The following ATP8A2 variants were observed in gnomAD, a reference collection of about 807,000 sequenced individuals.
The protein encoded by ATP8A2 is phospholipid-transporting ATPase IB.
A neutral mutation model predicts 165.6 loss-of-function variants in ATP8A2; 100 were observed. That is an observed-to-expected ratio of 0.60 (90% CI 0.51 to 0.71). The LOEUF (loss-of-function observed/expected upper bound fraction) is 0.71. Ranked by LOEUF, ATP8A2 falls within the 30% of genes least tolerant of loss-of-function variation. The pLI, the probability that ATP8A2 is intolerant of heterozygous loss-of-function variation, is 0.00. For missense variants in ATP8A2, 1,227 were observed against 1,479.5 expected, an observed-to-expected ratio of 0.83 and a Z score of 2.80; for synonymous variants, 543 against 548.8, an observed-to-expected ratio of 0.99 and a Z score of 0.15.
At position 25,559,023 on chromosome 13, in the gene ATP8A2, G is replaced by T; in HGVS notation, c.1314G>T (p.Met438Ile). The change falls in exon 14 of 37, where the codon ATG (methionine) becomes ATT (isoleucine). Residue 438 changes from methionine (M) to isoleucine (I), a missense_variant. Physicochemically the swap from Met to Ile is conservative, Grantham distance 10. Transcript: ENST00000381655. ...CTGGAACGCTTACATGCAATATCAT[G>T]AACTTTAAGAAGTGCAGCATTGCCG... Reference protein sequence around the residue: ...DKTGTLTCNIMNFKKCSIAGV... With the variant: ...DKTGTLTCNIINFKKCSIAGV... The T allele has an allele frequency of 6.2e-7, 1 of 1,612,804 alleles. No individual in the cohort carries two copies. The highest frequency in any genetic ancestry group is 8.5e-7 in the Non-Finnish European group (1 of 1,179,372).
Position 25,706,813 on chromosome 13 carries a change from T to C in ATP8A2, c.2384+7468T>C, listed in dbSNP as rs1326677223. ...CTTGGGCTGTTTGATTGTGGCTTAGTATATATTTGCCCATTTGTTGATTGC... is the reference window on the plus strand; with the variant it reads ...CTTGGGCTGTTTGATTGTGGCTTAGCATATATTTGCCCATTTGTTGATTGC... On this transcript the variant is annotated intron_variant, in intron 25 of 36. Transcript: ENST00000381655. 2.6e-5 allele frequency among the ~76,000 whole-genome samples: 4 copies of C among 152,156 alleles called. No individual in the cohort carries two copies. The South Asian group carries it at 8.3e-4, about 32-fold the overall frequency.
At chr13:25,577,931 T>C (rs2039663626) in intron 20 of ATP8A2, among the ~76,000 whole-genome samples, 2 of 152,190 alleles carry the variant, frequency 1.3e-5, no homozygotes, top group South Asian at 4.1e-4. Flanking sequence ...AATGAAGGAA[T>C]GCATGGGAAT....
chr13:25,581,786 C>A, intron 22 of ATP8A2, 33 bp from the exon 23 acceptor site: 1 of 1,605,062 alleles, frequency 6.2e-7, no homozygotes, highest in Non-Finnish European at 8.5e-7. Context: ...AAGTATGTGC[C>A]AATCTTTAAC....
intron 35 of ATP8A2, among the ~76,000 whole-genome samples, chr13:25,989,461 G>C (rs1405128351): frequency 6.6e-6 from 1 of 152,112 alleles, no homozygotes; most frequent in African/African-American, 2.4e-5. Flanking sequence ...CAAATAATTA[G>C]TTGATTAAAA....
At chr13:25,972,220 A>C (rs931990249) in intron 35 of ATP8A2, among the ~76,000 whole-genome samples, 3 of 152,194 alleles carry the variant, frequency 2.0e-5, no homozygotes, top group Non-Finnish European at 2.9e-5. Flanking sequence ...ATTTTCATCC[A>C]ACATTTTATT....
At chr13:25,839,522 C>T (rs372038682) in intron 29 of ATP8A2, 24 bp from the exon 30 acceptor site, 9 of 1,596,628 alleles carry the variant, frequency 5.6e-6, no homozygotes, top group African/African-American at 2.7e-5. Flanking sequence ...CAGCTCCTGA[C>T]TCCCTTGGTT....
intron 25 of ATP8A2, among the ~76,000 whole-genome samples, chr13:25,719,721 T>A (rs1341241273): frequency 6.6e-6 from 1 of 152,212 alleles, no homozygotes; most frequent in African/African-American, 2.4e-5. Context: ...TGAAAATGAC[T>A]AGCCTGTCAG....
At chr13:25,435,971 GT>G (rs2034762249) in intron 1 of ATP8A2, among the ~76,000 whole-genome samples, 1 of 113,762 alleles carries the variant, frequency 8.8e-6, no homozygotes, top group African/African-American at 2.9e-5. Context: ...GTGTGTGTGT[GT>G]ATGTGTGTGT....
intron 25 of ATP8A2, among the ~76,000 whole-genome samples, chr13:25,744,333 G>A (rs919262652): frequency 2.0e-5 from 3 of 148,158 alleles, no homozygotes; most frequent in African/African-American, 2.7e-5. Context: ...CCACCCCCCC[G>A]TGTGTATGTG....
At chr13:25,653,876 A>G (rs971906477) in intron 24 of ATP8A2, among the ~76,000 whole-genome samples, 1 of 152,146 alleles carries the variant, frequency 6.6e-6, no homozygotes. Flanking sequence ...GGTAAGGGTT[A>G]GCTTTCAGAG....
At chr13:26,014,431 G>A (rs1485124854) in intron 36 of ATP8A2, among the ~76,000 whole-genome samples, 1 of 152,158 alleles carries the variant, frequency 6.6e-6, no homozygotes, top group East Asian at 1.9e-4. Context: ...TTAACAATGT[G>A]TAAGAAAACA....
intron 33 of ATP8A2, among the ~76,000 whole-genome samples, chr13:25,883,152 A>T (rs1481240106): frequency 6.6e-6 from 1 of 152,298 alleles, no homozygotes; most frequent in East Asian, 1.9e-4. Context: ...GGCTTCTAAC[A>T]GCAGCCATTC....
intron 11 of ATP8A2, among the ~76,000 whole-genome samples, chr13:25,552,232 C>T (rs2038847027): frequency 6.6e-6 from 1 of 152,158 alleles, no homozygotes; most frequent in South Asian, 2.1e-4. Flanking sequence ...GGCAATCTAC[C>T]CGCCTCGGCC....
At chr13:25,907,227 G>A (rs1953967726) in intron 33 of ATP8A2, among the ~76,000 whole-genome samples, 2 of 151,788 alleles carry the variant, frequency 1.3e-5, no homozygotes, top group African/African-American at 2.4e-5. Context: ...TCCAGCCTGG[G>A]CGACAGAGCG....
At chr13:25,699,478 T>A in intron 25 of ATP8A2, 133 bp downstream of exon 25, 1 of 698,320 alleles carries the variant, frequency 1.4e-6, no homozygotes, top group Non-Finnish European at 2.1e-6. Flanking sequence ...AAAATACAAA[T>A]TTATTTTTAA....
At chr13:25,649,244 T>C (rs1270825585) in intron 24 of ATP8A2, among the ~76,000 whole-genome samples, 1 of 152,194 alleles carries the variant, frequency 6.6e-6, no homozygotes. Context: ...TGGAGTTCTC[T>C]AAATGTCTGG....
Position 25,394,428 on chromosome 13 carries a change from A to G in ATP8A2, c.76+22140A>G, listed in dbSNP as rs115786730. Among the ~76,000 whole-genome samples, 470 of 152,366 alleles carry G rather than the reference A, an allele frequency of 3.1e-3. 3 individuals are homozygous for G. The highest frequency in any genetic ancestry group is 0.011 in the African/African-American group (449 of 41,586). On this transcript the variant is annotated intron_variant, in intron 1 of 36. Coordinates refer to ENST00000381655, the MANE Select transcript of ATP8A2 (RefSeq NM_016529.6). ...CAATAGAAAACAAAATAAAAGAAGC[A>G]AACTGAAAACCAAGACAAAATAAAA...
chr13:25,876,841 G>A (rs1413471935), intron 33 of ATP8A2, among the ~76,000 whole-genome samples: 1 of 152,122 alleles, frequency 6.6e-6, no homozygotes, highest in East Asian at 1.9e-4. Context: ...ATTAAATATT[G>A]CATTGGGGCA....
chr13:25,716,119 A>G (rs1365395300), intron 25 of ATP8A2, among the ~76,000 whole-genome samples: 1 of 152,224 alleles, frequency 6.6e-6, no homozygotes, highest in African/African-American at 2.4e-5. Context: ...AAATAACCAG[A>G]ATATCTTCCT....
Sources: allele counts gnomAD v4.1 joint callset (sites outside exome capture counted in the v4.1 genomes callset), GRCh38; gene constraint gnomAD v4.1.1; transcripts MANE v1.5; gene names NCBI Gene and HGNC (gene_info 2026-07-23, HGNC 2026-07-21).